The following ATP6V0D1 variants were observed in gnomAD, a reference collection of about 807,000 sequenced individuals.
ATP6V0D1 encodes V-type proton ATPase subunit d 1.
Under a neutral mutation model 39.0 loss-of-function variants are expected in ATP6V0D1, and 13 were observed. That is an observed-to-expected ratio of 0.33 (90% CI 0.22 to 0.53). ATP6V0D1 has a LOEUF of 0.53. ATP6V0D1 is among the 20% of genes least tolerant of loss of function. The pLI is 0.94. For missense variants in ATP6V0D1, 272 were observed against 470.9 expected (o/e 0.58, Z 3.91); for synonymous variants, 191 against 191.2 (o/e 1.00, Z 0.01).
intron 1 of ATP6V0D1, among the ~76,000 whole-genome samples, chr16:67,477,561 T>C (rs1469101324): frequency 6.6e-6 from 1 of 152,222 alleles, no homozygotes; most frequent in Non-Finnish European, 1.5e-5. Flanking sequence ...ACAAGACAGA[T>C]AATTATTTTA....
intron 1 of ATP6V0D1, among the ~76,000 whole-genome samples, chr16:67,473,614 C>G (rs2041392616): frequency 6.6e-6 from 1 of 152,206 alleles, no homozygotes; most frequent in Non-Finnish European, 1.5e-5. Flanking sequence ...AGCTCCACTT[C>G]CCAGGCTCAT....
intron 2 of ATP6V0D1, among the ~76,000 whole-genome samples, chr16:67,446,430 C>G (rs535279860): frequency 9.5e-4 from 145 of 152,340 alleles, no homozygotes; most frequent in African/African-American, 3.1e-3. Context: ...TGAGAAGAGA[C>G]AGTCCCCTAA....
intron 4 of ATP6V0D1, 148 bp from the exon 5 acceptor site, chr16:67,439,499 C>G (rs2041021952): frequency 4.3e-6 from 3 of 699,802 alleles, no homozygotes; most frequent in South Asian, 3.5e-5. Flanking sequence ...GCAGCCCTTA[C>G]AGCAAAGCCA....
At chr16:67,469,370 T>C (rs184526391) in intron 1 of ATP6V0D1, among the ~76,000 whole-genome samples, 3 of 152,292 alleles carry the variant, frequency 2.0e-5, no homozygotes, top group South Asian at 2.1e-4. Context: ...GTGCAAGATG[T>C]AACCAACAAA....
intron 1 of ATP6V0D1, among the ~76,000 whole-genome samples, chr16:67,476,307 G>T (rs1214603852): frequency 6.6e-6 from 1 of 150,700 alleles, no homozygotes; most frequent in African/African-American, 2.4e-5. Flanking sequence ...GCAGTCAACT[G>T]AAAAAGCTTC....
chr16:67,480,908 C>G, intron 1 of ATP6V0D1, 49 bp downstream of exon 1: 1 of 1,607,810 alleles, frequency 6.2e-7, no homozygotes, highest in Non-Finnish European at 8.5e-7. Flanking sequence ...CCTCTGAACC[C>G]TCAGGCCCCG....
chr16:67,453,631 T>A lies in ATP6V0D1; in HGVS notation c.215A>T (p.Asp72Val). The change falls in exon 2 of 8, where the codon GAC (aspartate) becomes GTC (valine). Residue 72 changes from aspartate to valine, a missense_variant. By Grantham distance (152) the Asp-to-Val change is radical. Around this residue, in one of 4 missense-constraint regions of ATP6V0D1, gnomAD observed 81 missense variants for 96.0 expected, o/e 0.84. Transcript: ENST00000290949. The surrounding 1 kb of genome is among the most constrained non-coding windows in gnomAD (Gnocchi z 4.1). ...CACCACCATCTTCTCCTTGAGCCGG[T>A]CATCGATGACTGACACCGTCAGAGG... is the stretch of plus-strand genomic sequence containing the variant. ...ASPLTVSVIDDRLKEKMVVEF... is the reference protein window; with the variant it reads ...ASPLTVSVIDVRLKEKMVVEF... 1 of 1,614,186 alleles carries A rather than the reference T, an allele frequency of 6.2e-7. No individual in the cohort carries two copies. The highest frequency in any genetic ancestry group is 8.5e-7 in the Non-Finnish European group (1 of 1,180,024).
Position 67,453,758 on chromosome 16 carries a change from C to T in ATP6V0D1, c.131-43G>A, listed in dbSNP as rs1177528504. 1.8e-5 allele frequency: 28 copies of T among 1,598,712 alleles called. No homozygotes were observed. Among genetic ancestry groups the T allele is most frequent in the Non-Finnish European group, 2.0e-5 (24 of 1,171,768 alleles). On this transcript the variant is annotated intron_variant, in intron 1 of 7. Transcript: ENST00000290949. The surrounding 1 kb of genome is among the most constrained non-coding windows in gnomAD (Gnocchi z 4.1). ...GGGGTAAGGGCTAGCCTTGCTGGGC[C>T]TCCCCAAGGGTCCCAAGTCCCCATC...
At chr16:67,439,635 A>T in intron 4 of ATP6V0D1, 1 of 485,364 alleles carries the variant, frequency 2.1e-6, no homozygotes, top group South Asian at 3.0e-5. Context: ...CACCTCACAG[A>T]AGGCTGGGCT....
Position 67,439,329 on chromosome 16 carries a change from T to C in ATP6V0D1, c.584A>G (p.Lys195Arg), listed in dbSNP as rs1225536334. The change falls in exon 5 of 8, where the codon AAG becomes AGG. Residue 195 changes from lysine to arginine, a missense_variant. Coordinates refer to ENST00000290949, the MANE Select transcript of ATP6V0D1 (RefSeq NM_004691.5). ...LYKAYLESFY[K>R]FCTLLGGTTA... ...AGTCCCGCCCAGTAGGGTGCAGAACTTGTAGAAGGACTCCAGGTAGGCCTG... is the reference window on the plus strand; with the variant it reads ...AGTCCCGCCCAGTAGGGTGCAGAACCTGTAGAAGGACTCCAGGTAGGCCTG... The C allele has an allele frequency of 3.1e-6, 5 of 1,613,988 alleles. No homozygotes were observed. In the Admixed American group the frequency reaches 8.3e-5, roughly 27 times the overall value.
In ATP6V0D1 at chr16:67,470,738, C is replaced by A. The variant is rs1010806055; in HGVS notation, c.130+10219G>T. 2.0e-5 allele frequency among the ~76,000 whole-genome samples: 3 copies of A among 152,182 alleles called. No individual in the cohort carries two copies. In the East Asian group the frequency reaches 5.8e-4, roughly 29 times the overall value. ...GATAGAATACTTCCCCTCCCACCCCCCAATCTGCACCCCTAACTTTCCTAT... is the reference window on the plus strand; with the variant it reads ...GATAGAATACTTCCCCTCCCACCCCACAATCTGCACCCCTAACTTTCCTAT... On this transcript the variant is annotated intron_variant, in intron 1 of 7. Coordinates refer to ENST00000290949, the MANE Select transcript of ATP6V0D1 (RefSeq NM_004691.5).
In ATP6V0D1 at chr16:67,447,158, T is replaced by G. The variant is rs1056315584; in HGVS notation, c.303-2452A>C. 1.3e-5 allele frequency among the ~76,000 whole-genome samples: 2 copies of G among 152,174 alleles called. No individual in the cohort carries two copies. The highest frequency in any genetic ancestry group is 6.5e-5 in the Admixed American group (1 of 15,286). On this transcript the variant is annotated intron_variant, in intron 2 of 7. Transcript: ENST00000290949. The surrounding 1 kb of genome is among the most constrained non-coding windows in gnomAD (Gnocchi z 4.1). ...AAATGCTGAGCCTAGTAAGGGCCAC[T>G]CACAATCGCACTACCCCAGCCCCTT... is the stretch of plus-strand genomic sequence containing the variant.
At chr16:67,450,153 T>C (rs1348169220) in intron 2 of ATP6V0D1, among the ~76,000 whole-genome samples, 1 of 152,232 alleles carries the variant, frequency 6.6e-6, no homozygotes, top group Non-Finnish European at 1.5e-5. Flanking sequence ...TGTACTCTCC[T>C]GAGTATATTC....
At chr16:67,466,486 G>A (rs1285135812) in intron 1 of ATP6V0D1, among the ~76,000 whole-genome samples, 1 of 150,960 alleles carries the variant, frequency 6.6e-6, no homozygotes, top group Non-Finnish European at 1.5e-5. Flanking sequence ...CCAAGATTGT[G>A]CCATTGCACT....
intron 1 of ATP6V0D1, among the ~76,000 whole-genome samples, chr16:67,464,627 G>A (rs2142325608): frequency 6.6e-6 from 1 of 152,348 alleles, no homozygotes; most frequent in East Asian, 1.9e-4. Context: ...GAGACCCTGG[G>A]GCTGTGGAGC....
At chr16:67,469,979 C>T (rs2041360052) in intron 1 of ATP6V0D1, among the ~76,000 whole-genome samples, 1 of 152,188 alleles carries the variant, frequency 6.6e-6, no homozygotes, top group Non-Finnish European at 1.5e-5. Context: ...TAACGCTTTG[C>T]AACTTTTCAC....
rs1267990485 is a variant in ATP6V0D1 at position 67,453,092 on chromosome 16, T to C, written c.302+452A>G. ...GGGCCTATCCTAAGACCTTGGCCTTTCAGAGCTCTGTCCATCCCGACACCT... is the reference window on the plus strand; with the variant it reads ...GGGCCTATCCTAAGACCTTGGCCTTCCAGAGCTCTGTCCATCCCGACACCT... On this transcript the variant is annotated intron_variant, in intron 2 of 7. Coordinates refer to ENST00000290949, the MANE Select transcript of ATP6V0D1 (RefSeq NM_004691.5). The surrounding 1 kb of genome is among the most constrained non-coding windows in gnomAD (Gnocchi z 4.1). Among the ~76,000 whole-genome samples the C allele has an allele frequency of 6.6e-6, 1 of 152,164 alleles. No homozygotes were observed. Among genetic ancestry groups the C allele is most frequent in the Admixed American group, 6.5e-5 (1 of 15,276 alleles).
chr16:67,466,048 C>T (rs575591914), intron 1 of ATP6V0D1, among the ~76,000 whole-genome samples: 7 of 152,146 alleles, frequency 4.6e-5, no homozygotes, highest in South Asian at 2.1e-4. Context: ...GAAGAGGGTA[C>T]GCCAGCTCCA....
chr16:67,472,936 A>G (rs979279472), intron 1 of ATP6V0D1, among the ~76,000 whole-genome samples: 2 of 152,134 alleles, frequency 1.3e-5, no homozygotes, highest in Non-Finnish European at 2.9e-5. Context: ...TTTCCTACAC[A>G]TTAACCTTAA....
Sources: allele counts gnomAD v4.1 joint callset (sites outside exome capture counted in the v4.1 genomes callset), GRCh38; gene constraint gnomAD v4.1.1; regional missense constraint gnomAD v4.1.1; non-coding constraint Gnocchi (gnomAD v3.1); transcripts MANE v1.5; gene names NCBI Gene and HGNC (gene_info 2026-07-23, HGNC 2026-07-21).